The following ANXA4 variants were observed in gnomAD, a reference collection of about 807,000 sequenced individuals.
ANXA4 encodes the protein 35-beta calcimedin.
A neutral mutation model predicts 49.8 loss-of-function variants in ANXA4; 39 were observed. The ratio of observed to expected loss-of-function variants is 0.78; its 90% CI spans 0.61 to 1.02. ANXA4 has a LOEUF of 1.02. ANXA4 is among the 50% of genes least tolerant of loss of function. The pLI, the probability that ANXA4 is intolerant of heterozygous loss-of-function variation, is 0.00. For synonymous variants in ANXA4, 134 were observed against 152.5 expected (o/e 0.88, Z 0.89); for missense variants, 360 against 410.1 (o/e 0.88, Z 1.05).
intron 3 of ANXA4, among the ~76,000 whole-genome samples, chr2:69,733,667 T>G (rs1351008250): frequency 6.6e-6 from 1 of 151,980 alleles, no homozygotes; most frequent in African/African-American, 2.4e-5. Flanking sequence ...TTCTGTGAAC[T>G]CTAGTCCAGT....
intron 2 of ANXA4, among the ~76,000 whole-genome samples, chr2:69,690,586 A>G (rs2105371646): frequency 6.6e-6 from 1 of 152,212 alleles, no homozygotes; most frequent in African/African-American, 2.4e-5. Context: ...TGCAGTTCCT[A>G]CACACTTACC....
chr2:69,706,279 A>T (rs1409001228), intron 2 of ANXA4, among the ~76,000 whole-genome samples: 2 of 122,668 alleles, frequency 1.6e-5, no homozygotes, highest in Non-Finnish European at 3.4e-5. Context: ...ATAGTAGCAC[A>T]TTGGTACAAT....
rs747162560 is a variant in ANXA4 at position 69,788,115 on chromosome 2, C to T, written c.71C>T (p.Thr24Ile). 2.5e-6 allele frequency: 4 copies of T among 1,614,058 alleles called. No individual in the cohort carries two copies. Among genetic ancestry groups the T allele is most frequent in the East Asian group, 4.5e-5 (2 of 44,884 alleles). ...TTCAATGCCATGGAAGATGCCCAGA[C>T]CCTGAGGAAGGCCATGAAAGGGCTC... ...SGFNAMEDAQ[T>I]LRKAMKGLGT... The change falls in exon 3 of 13, where the codon ACC becomes ATC. Residue 24 changes from threonine (T) to isoleucine (I), a missense_variant. Thr to Ile is a moderately conservative substitution (Grantham distance 89). Coordinates refer to ENST00000394295, the MANE Select transcript of ANXA4 (RefSeq NM_001153.5).
intron 2 of ANXA4, among the ~76,000 whole-genome samples, chr2:69,689,622 A>G (rs561149064): frequency 3.3e-5 from 5 of 152,298 alleles, no homozygotes; most frequent in Admixed American, 2.0e-4. Context: ...TTTTGGTTTT[A>G]TGGCGTATCA....
intron 2 of ANXA4, among the ~76,000 whole-genome samples, chr2:69,662,474 A>G (rs967521520): frequency 3.9e-5 from 6 of 152,118 alleles, no homozygotes; most frequent in African/African-American, 1.2e-4. Context: ...ATTTGCAGCC[A>G]TCTTTCATCA....
intron 2 of ANXA4, among the ~76,000 whole-genome samples, chr2:69,704,188 T>G (rs1678418771): frequency 6.6e-6 from 1 of 152,226 alleles, no homozygotes. Context: ...TTTTATATTT[T>G]CTTTATATGG....
At chr2:69,811,714 G>T (rs775615958) in intron 7 of ANXA4, among the ~76,000 whole-genome samples, 1 of 152,024 alleles carries the variant, frequency 6.6e-6, no homozygotes. Context: ...CTCTTCTTCC[G>T]GACTTGCCTG....
chr2:69,774,823 G>A (rs1671901099), intron 1 of ANXA4, among the ~76,000 whole-genome samples: 1 of 152,112 alleles, frequency 6.6e-6, no homozygotes, highest in South Asian at 2.1e-4. Flanking sequence ...CCTTCTCAGG[G>A]TAAACAGACC....
chr2:69,720,167 C>T (rs760856207), intron 2 of ANXA4, among the ~76,000 whole-genome samples: 8 of 152,164 alleles, frequency 5.3e-5, no homozygotes, highest in African/African-American at 1.7e-4. Context: ...TTCATATGCT[C>T]AGGACTTGGC....
Position 69,718,757 on chromosome 2 carries a change from A to G in ANXA4, n.767-2017A>G, listed in dbSNP as rs372871913. On this transcript the variant is annotated intron_variant and non_coding_transcript_variant, in intron 2 of 3. Transcript: ENST00000418066. ...CAAATGCACACACATACATGCATAC[A>G]CACACATACACACACATTCACACAC... is the stretch of plus-strand genomic sequence containing the variant. Among the ~76,000 whole-genome samples, 295 of 143,404 alleles carry G rather than the reference A, an allele frequency of 2.1e-3. 2 individuals are homozygous for G. The highest frequency in any genetic ancestry group is 7.7e-3 in the African/African-American group (267 of 34,878). The allele number at this position is 143,404 out of a possible 152,430, so 94.1% of individuals were successfully genotyped here. A position where few individuals can be genotyped will look rare whatever the true frequency, so the allele number is the denominator to read the frequency against.
intron 2 of ANXA4, among the ~76,000 whole-genome samples, chr2:69,654,231 C>T (rs927893414): frequency 1.3e-5 from 2 of 152,212 alleles, no homozygotes; most frequent in Admixed American, 6.5e-5. Context: ...CGTCTGCAAA[C>T]AGAGACAATT....
intron 1 of ANXA4, among the ~76,000 whole-genome samples, chr2:69,746,303 C>A (rs1670610426): frequency 6.6e-6 from 1 of 152,212 alleles, no homozygotes; most frequent in South Asian, 2.1e-4. Context: ...AGCCACTGCG[C>A]CCGGCCAAGG....
chr2:69,788,825 G>C (rs1431448234), intron 3 of ANXA4, among the ~76,000 whole-genome samples: 5 of 132,160 alleles, frequency 3.8e-5, no homozygotes, highest in Non-Finnish European at 7.8e-5. Flanking sequence ...GCGACAGAGC[G>C]AGACTCCATC....
At chr2:69,780,200 A>C (rs765474489) in intron 1 of ANXA4, among the ~76,000 whole-genome samples, 5 of 152,016 alleles carry the variant, frequency 3.3e-5, no homozygotes, top group East Asian at 1.9e-4. Flanking sequence ...CTTTTTTTCT[A>C]TCTCTCTCTT....
At position 69,757,467 on chromosome 2, in the gene ANXA4, G is replaced by T. The variant is rs556964515; in HGVS notation, c.-47+15292G>T. Among the ~76,000 whole-genome samples, 19 of 142,946 alleles carry T rather than the reference G, an allele frequency of 1.3e-4. 1 individual carries two copies. The South Asian group carries it at 4.3e-3, about 33-fold the overall frequency. The allele number at this position is 142,946 out of a possible 152,430, so 93.8% of individuals were successfully genotyped here. A position where few individuals can be genotyped will look rare whatever the true frequency, so the allele number is the denominator to read the frequency against. On this transcript the variant is annotated intron_variant, in intron 1 of 12. Transcript: ENST00000394295. ...TTTTTTTTTTTTTAGTAGAGACAGG[G>T]TTTCACCATGTTAGCCAAGATGGTC...
At chr2:69,814,744 GTGTGTGT>G (rs1673887831) in intron 8 of ANXA4, 1 of 17,034 alleles carries the variant, frequency 5.9e-5, no homozygotes, top group African/African-American at 1.9e-4. Context: ...ACACAGAGGG[GTGTGTGT>G]GTGTGTGTGT....
intron 3 of ANXA4, among the ~76,000 whole-genome samples, chr2:69,725,242 A>G (rs1477068576): frequency 1.3e-5 from 2 of 152,046 alleles, no homozygotes; most frequent in African/African-American, 4.8e-5. Flanking sequence ...TAACATATAT[A>G]TTAACATCTA....
chr2:69,660,755 A>C (rs929522535), intron 2 of ANXA4, among the ~76,000 whole-genome samples: 9 of 151,568 alleles, frequency 5.9e-5, no homozygotes, highest in African/African-American at 2.2e-4. Context: ...AGCTGAGGCT[A>C]TTTGCCAGAA....
intron 3 of ANXA4, among the ~76,000 whole-genome samples, chr2:69,736,756 G>T (rs972107235): frequency 5.3e-5 from 8 of 152,164 alleles, no homozygotes; most frequent in Non-Finnish European, 1.0e-4. Context: ...GTATGTGTAT[G>T]AGAATCTATG....
Sources: allele counts gnomAD v4.1 joint callset (sites outside exome capture counted in the v4.1 genomes callset), GRCh38; gene constraint gnomAD v4.1.1; transcripts MANE v1.5; gene names NCBI Gene and HGNC (gene_info 2026-07-23, HGNC 2026-07-21).